PRR5L: variants seen among roughly 807,000 people sequenced by gnomAD.
PRR5L encodes the protein proline-rich protein 5-like.
A neutral mutation model predicts 36.4 loss-of-function variants in PRR5L; 21 were observed. The ratio of observed to expected loss-of-function variants is 0.58; its 90% confidence interval spans 0.41 to 0.83. The LOEUF is 0.83. Among genes scored for constraint, PRR5L ranks in the 40% least tolerant of loss-of-function variants. The probability of loss-of-function intolerance (pLI) is 0.00; values close to 1 mark genes in which losing one functional copy is unlikely to be tolerated. For missense variants in PRR5L, 381 were observed against 473.3 expected, an observed-to-expected ratio of 0.80 and a Z score of 1.81; for synonymous variants, 188 against 197.0, an observed-to-expected ratio of 0.95 and a Z score of 0.38.
At chr11:36,371,614 T>C (rs1857197762) in intron 1 of PRR5L, among the ~76,000 whole-genome samples, 1 of 152,180 alleles carries the variant, frequency 6.6e-6, no homozygotes, top group African/African-American at 2.4e-5. Flanking sequence ...AGAAAACTTA[T>C]GGGAGGATAT....
rs74403533 is a variant in PRR5L, at chr11:36,440,234, C to G, written c.444+2758C>G. ...GGAGTTCTGAAGATAAAACCTCCCC[C>G]CCACCTATGCTGGGGAGGAATTTAG... On this transcript the variant is annotated intron_variant, in intron 6 of 8. Transcript: ENST00000530639. Among the ~76,000 whole-genome samples the G allele has an allele frequency of 8.6e-4, 131 of 152,196 alleles. 2 individuals are homozygous for G. The highest frequency in any genetic ancestry group is 2.8e-3 in the African/African-American group (116 of 41,516).
In PRR5L at chr11:36,335,320, C is replaced by T. The variant is rs960735800; in HGVS notation, c.-126+38882C>T. On this transcript the variant is annotated intron_variant, in intron 1 of 8. Transcript: ENST00000530639. ...GCTCAAGTGATCTGCCTGCCTCGAC[C>T]TCCCAAAGTGCTGGAATTATAGGCA... Among the ~76,000 whole-genome samples the T allele has an allele frequency of 1.3e-5, 2 of 152,150 alleles. 1 individual carries two copies.
intron 1 of PRR5L, among the ~76,000 whole-genome samples, chr11:36,324,238 C>A (rs945838753): frequency 3.9e-5 from 6 of 152,060 alleles, no homozygotes; most frequent in Admixed American, 6.5e-5. Context: ...CTAGAACACA[C>A]AAGAATATAG....
intron 1 of PRR5L, among the ~76,000 whole-genome samples, chr11:36,358,987 CA>C (rs1857057231): frequency 6.6e-6 from 1 of 152,118 alleles, no homozygotes; most frequent in Non-Finnish European, 1.5e-5. Context: ...TTTTAGTAAT[CA>C]GTGGTTGGAT....
intron 1 of PRR5L, chr11:36,386,554 C>G (rs1360154108): frequency 6.6e-6 from 1 of 152,218 alleles, no homozygotes; most frequent in Non-Finnish European, 1.5e-5. Context: ...TCCTCTTGCT[C>G]TAAGGTAAGA....
intron 1 of PRR5L, among the ~76,000 whole-genome samples, chr11:36,397,944 C>T (rs533303027): frequency 3.9e-5 from 6 of 152,126 alleles, no homozygotes; most frequent in African/African-American, 7.2e-5. Flanking sequence ...TAAAGGCATG[C>T]GCCCCCATGC....
chr11:36,388,844 G>A (rs1049312389), intron 1 of PRR5L, among the ~76,000 whole-genome samples: 4 of 151,988 alleles, frequency 2.6e-5, no homozygotes, highest in African/African-American at 7.3e-5. Flanking sequence ...GACTACAGGC[G>A]CCCGCCACCA....
At chr11:36,365,799 C>A (rs1206193011) in intron 1 of PRR5L, among the ~76,000 whole-genome samples, 2 of 152,164 alleles carry the variant, frequency 1.3e-5, no homozygotes, top group Non-Finnish European at 2.9e-5. Context: ...ATGGGCCAGT[C>A]TGTGTTATTG....
intron 1 of PRR5L, among the ~76,000 whole-genome samples, chr11:36,345,196 C>T (rs758478109): frequency 6.6e-6 from 1 of 151,946 alleles, no homozygotes; most frequent in African/African-American, 2.4e-5. Flanking sequence ...GTTTATCTTC[C>T]CAAACAGGAT....
intron 1 of PRR5L, among the ~76,000 whole-genome samples, chr11:36,365,219 T>TG (rs1231108826): frequency 6.6e-6 from 1 of 152,220 alleles, no homozygotes; most frequent in African/African-American, 2.4e-5. Flanking sequence ...CAAGTTTACT[T>TG]GCTTTGTTTC....
intron 1 of PRR5L, among the ~76,000 whole-genome samples, chr11:36,393,408 T>C (rs976098792): frequency 6.6e-6 from 1 of 152,212 alleles, no homozygotes; most frequent in African/African-American, 2.4e-5. Flanking sequence ...TATCCAGTTT[T>C]CCCAGCACCA....
chr11:36,422,079 T>G (rs983995974), intron 4 of PRR5L, among the ~76,000 whole-genome samples: 4 of 152,216 alleles, frequency 2.6e-5, no homozygotes, highest in Non-Finnish European at 4.4e-5. Context: ...ATGCAAAGAA[T>G]AATCATGTAG....
At chr11:36,400,704 C>T (rs1271306433) in intron 1 of PRR5L, among the ~76,000 whole-genome samples, 1 of 152,226 alleles carries the variant, frequency 6.6e-6, no homozygotes, top group Non-Finnish European at 1.5e-5. Flanking sequence ...AGTGCTCAAA[C>T]TGATGGCTGC....
intron 1 of PRR5L, among the ~76,000 whole-genome samples, chr11:36,351,488 T>A (rs375822582): frequency 4.4e-3 from 116 of 26,592 alleles, no homozygotes; most frequent in Middle Eastern, 0.05. Context: ...TATATTTATA[T>A]ATTTATATAT....
intron 1 of PRR5L, among the ~76,000 whole-genome samples, chr11:36,383,788 C>A (rs1053363884): frequency 6.6e-6 from 1 of 151,158 alleles, no homozygotes; most frequent in Non-Finnish European, 1.5e-5. Context: ...CACTGCCTCC[C>A]GGGTTCAAGT....
Position 36,421,896 on chromosome 11 carries a change from G to A in PRR5L, c.294+2593G>A, listed in dbSNP as rs115425290. Among the ~76,000 whole-genome samples the A allele has an allele frequency of 6.4e-3, 979 of 152,250 alleles. 13 individuals are homozygous for A. The highest frequency in any genetic ancestry group is 0.022 in the African/African-American group (929 of 41,536). ...GTTTGAAGAAGGAGGAGCAGTCCTC[G>A]AACTTAGTGTCTTCAGCTAGGGATG... On this transcript the variant is annotated intron_variant, in intron 4 of 8. Coordinates refer to ENST00000530639, the MANE Select transcript of PRR5L (RefSeq NM_001160167.2).
intron 1 of PRR5L, among the ~76,000 whole-genome samples, chr11:36,343,509 A>G (rs914918677): frequency 6.6e-6 from 1 of 152,154 alleles, no homozygotes; most frequent in Non-Finnish European, 1.5e-5. Flanking sequence ...CTGAACAGCT[A>G]AAAAGACAGT....
intron 1 of PRR5L, among the ~76,000 whole-genome samples, chr11:36,324,477 G>A (rs973559835): frequency 6.6e-6 from 1 of 152,118 alleles, no homozygotes; most frequent in Admixed American, 6.5e-5. Flanking sequence ...ATCTGGGTGT[G>A]TACATATGTA....
chr11:36,450,292 T>C (rs2133623451), intron 7 of PRR5L, among the ~76,000 whole-genome samples: 1 of 152,304 alleles, frequency 6.6e-6, no homozygotes, highest in South Asian at 2.1e-4. Flanking sequence ...TTTCGAGAAT[T>C]TGCATGTTAA....
Sources: allele counts gnomAD v4.1 joint callset (sites outside exome capture counted in the v4.1 genomes callset), GRCh38; gene constraint gnomAD v4.1.1; transcripts MANE v1.5; gene names NCBI Gene and HGNC (gene_info 2026-07-23, HGNC 2026-07-21).